Variants in KLHDC1 observed in about 807,000 individuals in gnomAD.
KLHDC1 encodes the protein kelch domain containing 1, also known as kelch domain-containing protein 1.
Under a neutral mutation model 68.3 loss-of-function variants are expected in KLHDC1, and 53 were observed. That is an observed-to-expected ratio of 0.78 (90% confidence interval 0.62 to 0.98). The LOEUF (loss-of-function observed/expected upper bound fraction) is 0.98, where lower values mean the gene tolerates loss of function less well. Among genes scored for constraint, KLHDC1 ranks in the 50% least tolerant of loss-of-function variants. KLHDC1 has a pLI of 0.00. For missense variants in KLHDC1, 470 were observed against 492.3 expected, an observed-to-expected ratio of 0.95 and a Z score of 0.43; for synonymous variants, 148 against 159.0, an observed-to-expected ratio of 0.93 and a Z score of 0.52.
intron 3 of KLHDC1, 138 bp from the exon 4 acceptor site, chr14:49,710,125 C>T: frequency 3.6e-6 from 2 of 549,116 alleles, no homozygotes; most frequent in East Asian, 3.0e-5. Context: ...TTTTATTCTC[C>T]AATTTTTAAA....
rs576329752 is a variant in KLHDC1, at chr14:49,693,325, C to G, written c.96+35C>G. On this transcript the variant is annotated intron_variant, in intron 1 of 12. Coordinates refer to ENST00000359332, the MANE Select transcript of KLHDC1 (RefSeq NM_172193.3). Reference sequence around the variant, plus strand: ...AGAGGCGGGACGGGGTAGACTCGCGCCGGGAGACCCTCGGCCTGAGCGGAC... The same window carrying G: ...AGAGGCGGGACGGGGTAGACTCGCGGCGGGAGACCCTCGGCCTGAGCGGAC... The G allele has an allele frequency of 1.8e-4, 247 of 1,381,952 alleles. 3 individuals are homozygous for G. The East Asian group carries it at 6.7e-3, about 38-fold the overall frequency. 85.6% of individuals were successfully genotyped at this position (1,381,952 alleles called of 1,614,324 possible).
At position 49,751,659 on chromosome 14, in the gene KLHDC1, C is replaced by A; in HGVS notation, c.1108C>A (p.Leu370Met). 1 of 1,605,648 alleles carries A rather than the reference C, an allele frequency of 6.2e-7. No individual in the cohort carries two copies. Residue 370 changes from leucine to methionine, a missense_variant, in exon 13 of 13, where the codon CTG (leucine) becomes ATG (methionine). Physicochemically the swap from Leu to Met is conservative, Grantham distance 15 (BLOSUM62 2). Transcript: ENST00000359332. ...SQISLLPPKL[L>M]QQVLKKITFW... is the part of the protein sequence containing the mutation. ...GATATCTTTATTACCTCCTAAACTT[C>A]TGCAACAAGTACTCAAAAAAATAAC...
chr14:49,696,471 G>T lies in KLHDC1; in HGVS notation c.96+3181G>T, dbSNP rs181878158. On this transcript the variant is annotated intron_variant, in intron 1 of 12. Transcript: ENST00000359332. ...GCTGGGATTACAGGTGTGAGTCACC[G>T]TGCCTGGCCTTACCTTGCACTTTTA... 2.0e-5 allele frequency among the ~76,000 whole-genome samples: 3 copies of T among 152,168 alleles called. No homozygotes were observed. In the East Asian group the frequency reaches 5.8e-4, roughly 29 times the overall value.
intron 12 of KLHDC1, among the ~76,000 whole-genome samples, chr14:49,745,634 C>A (rs1889182567): frequency 6.6e-6 from 1 of 152,180 alleles, no homozygotes; most frequent in African/African-American, 2.4e-5. Flanking sequence ...TTAGGGAAGT[C>A]TTTGCAGAAG....
At position 49,752,056 on chromosome 14, in the gene KLHDC1, A is replaced by G. The variant is rs1889331948; in HGVS notation, c.*284A>G. The G allele has an allele frequency of 5.7e-6, 1 of 176,246 alleles. No homozygotes were observed. The highest frequency in any genetic ancestry group is 2.0e-4 in the South Asian group (1 of 5,104). The allele number at this position is 176,246 out of a possible 1,614,324, so 10.9% of individuals were successfully genotyped here. A position where few individuals can be genotyped will look rare whatever the true frequency, so the allele number is the denominator to read the frequency against. ...AATCAATGTGTATTCTTTACTGGAA[A>G]GATTACATACATTTGAGAATAAGAA... On this transcript the variant is annotated 3_prime_UTR_variant, in exon 13 of 13. Coordinates refer to ENST00000359332, the MANE Select transcript of KLHDC1 (RefSeq NM_172193.3).
chr14:49,732,664 T>C (rs775563401), intron 8 of KLHDC1, 40 bp from the exon 9 acceptor site: 5 of 1,029,842 alleles, frequency 4.9e-6, no homozygotes, highest in Non-Finnish European at 7.4e-6. Flanking sequence ...TTTATTTTGA[T>C]TAATATAGTA....
At chr14:49,740,567 C>T (rs1036866882) in intron 11 of KLHDC1, among the ~76,000 whole-genome samples, 31 of 152,090 alleles carry the variant, frequency 2.0e-4, no homozygotes, top group African/African-American at 7.2e-4. Flanking sequence ...TCTTGATCTC[C>T]TGACCTCGTG....
At chr14:49,701,745 T>C (rs2139730406) in intron 1 of KLHDC1, among the ~76,000 whole-genome samples, 1 of 152,156 alleles carries the variant, frequency 6.6e-6, no homozygotes, top group Non-Finnish European at 1.5e-5. Flanking sequence ...AAAATATTTG[T>C]AACCAGGGTC....
intron 1 of KLHDC1, among the ~76,000 whole-genome samples, chr14:49,705,489 C>T (rs1036320980): frequency 1.4e-5 from 2 of 146,044 alleles, no homozygotes; most frequent in African/African-American, 5.0e-5. Flanking sequence ...CTGTCTCAGC[C>T]TCCTGAATAG....
intron 4 of KLHDC1, among the ~76,000 whole-genome samples, chr14:49,713,650 C>G (rs1888266955): frequency 6.6e-6 from 1 of 150,874 alleles, no homozygotes; most frequent in Non-Finnish European, 1.5e-5. Context: ...TTTTGGGAGG[C>G]TGAGGTAAGA....
chr14:49,695,956 C>T (rs993314676), intron 1 of KLHDC1, among the ~76,000 whole-genome samples: 19 of 151,788 alleles, frequency 1.3e-4, no homozygotes, highest in Admixed American at 1.2e-3. Context: ...GTCTCAGCTA[C>T]TGGGGAGGCT....
chr14:49,698,946 C>T (rs1887821793), intron 1 of KLHDC1, among the ~76,000 whole-genome samples: 2 of 151,456 alleles, frequency 1.3e-5, no homozygotes, highest in African/African-American at 2.4e-5. Flanking sequence ...GGGTGGATCA[C>T]GAGGGCAGGA....
At position 49,713,829 on chromosome 14, in the gene KLHDC1, TATA is replaced by T. The variant is rs1888285958; in HGVS notation, c.404+3449_404+3451del. ...ATATATATATATATATATATATATA[TATA>T]TATATATATATATATATATTTTTTT... On this transcript the variant is annotated intron_variant, in intron 4 of 12. Coordinates refer to ENST00000359332, the MANE Select transcript of KLHDC1 (RefSeq NM_172193.3). Among the ~76,000 whole-genome samples the T allele has an allele frequency of 2.0e-3, 20 of 9,962 alleles. 2 individuals are homozygous for T. The highest frequency in any genetic ancestry group is 0.025 in the Middle Eastern group (1 of 40). The allele number at this position is 9,962 out of a possible 152,430, so 6.5% of individuals were successfully genotyped here.
rs1384699996 is a variant in KLHDC1, at chr14:49,751,844, G to A, written c.*72G>A. On this transcript the variant is annotated 3_prime_UTR_variant, in exon 13 of 13. Coordinates refer to ENST00000359332, the MANE Select transcript of KLHDC1 (RefSeq NM_172193.3). The stretch of plus-strand genomic sequence containing the variant: ...GACTATACATTTACACTCCCAAATT[G>A]CAGGCTTTATTTAAAGGATAAAATT... The A allele has an allele frequency of 3.0e-6, 2 of 670,278 alleles. No homozygotes were observed. The highest frequency in any genetic ancestry group is 3.8e-5 in the African/African-American group (2 of 53,020). 41.5% of individuals were successfully genotyped at this position (670,278 alleles called of 1,614,324 possible).
At position 49,752,306 on chromosome 14, in the gene KLHDC1, C is replaced by CACTT. The variant is rs1889335767; in HGVS notation, c.*537_*540dup. The stretch of plus-strand genomic sequence containing the variant: ...AATATTGAACTCCTGACCTTTTCGA[C>CACTT]ACTTACCTAGTAAAGTATTCTTAGG... On this transcript the variant is annotated 3_prime_UTR_variant, in exon 13 of 13. Transcript: ENST00000359332. The CACTT allele has an allele frequency of 6.6e-6, 1 of 152,432 alleles. No homozygotes were observed. Among genetic ancestry groups the CACTT allele is most frequent in the Non-Finnish European group, 1.5e-5 (1 of 67,920 alleles). The allele number at this position is 152,432 out of a possible 1,614,324, so 9.4% of individuals were successfully genotyped here.
intron 11 of KLHDC1, among the ~76,000 whole-genome samples, chr14:49,741,512 G>A (rs1392073176): frequency 6.6e-6 from 1 of 151,724 alleles, no homozygotes; most frequent in African/African-American, 2.4e-5. Flanking sequence ...TCACCGTGTT[G>A]GTCAGGCTGG....
At chr14:49,721,582 G>A (rs113830481) in intron 4 of KLHDC1, among the ~76,000 whole-genome samples, 13 of 152,240 alleles carry the variant, frequency 8.5e-5, no homozygotes, top group East Asian at 5.8e-4. Flanking sequence ...AGTCTAATTC[G>A]TAGGTGATTT....
intron 12 of KLHDC1, among the ~76,000 whole-genome samples, chr14:49,747,234 AC>A (rs1889222810): frequency 6.6e-6 from 1 of 152,200 alleles, no homozygotes; most frequent in South Asian, 2.1e-4. Context: ...GGCGTGAGCC[AC>A]CACACCCAGC....
intron 1 of KLHDC1, among the ~76,000 whole-genome samples, chr14:49,694,766 A>T (rs1887684287): frequency 6.6e-6 from 1 of 152,152 alleles, no homozygotes; most frequent in African/African-American, 2.4e-5. Flanking sequence ...AGGCAGGAGA[A>T]TCACTTGGAC....
Sources: gnomAD v4.1 joint callset for allele counts (sites outside exome capture counted in the v4.1 genomes callset) on GRCh38, gnomAD v4.1.1 for gene constraint, MANE v1.5 for transcripts, NCBI Gene and HGNC (gene_info 2026-07-23, HGNC 2026-07-21) for gene names.